The following RREB1 variants were observed in gnomAD, a reference collection of about 807,000 sequenced individuals.
The protein encoded by RREB1 is ras responsive element binding protein 1.
Under a neutral mutation model 117.8 loss-of-function variants are expected in RREB1, and 27 were observed. That is an observed-to-expected ratio of 0.23 (90% confidence interval 0.17 to 0.32). The LOEUF is 0.32. Ranked by LOEUF, RREB1 falls within the 10% of genes least tolerant of loss-of-function variation. The pLI is 1.00. For missense variants in RREB1, 2,577 were observed against 2,378.2 expected (o/e 1.08, Z -1.74); for synonymous variants, 1,298 against 1,026.7 (o/e 1.26, Z -5.05).
At chr6:7,139,933 G>A (rs1006496146) in intron 1 of RREB1, among the ~76,000 whole-genome samples, 3 of 152,082 alleles carry the variant, frequency 2.0e-5, no homozygotes, top group Non-Finnish European at 2.9e-5. Context: ...TTCCTATCAG[G>A]TTTAGTACAG....
At chr6:7,167,999 G>A (rs948184685) in intron 1 of RREB1, among the ~76,000 whole-genome samples, 2 of 152,008 alleles carry the variant, frequency 1.3e-5, no homozygotes, top group African/African-American at 4.8e-5. Context: ...GGTGGTTCAC[G>A]CCTGTAATCC....
intron 11 of RREB1, 135 bp downstream of exon 11, chr6:7,240,737 G>A: frequency 2.8e-6 from 2 of 719,918 alleles, no homozygotes; most frequent in South Asian, 2.5e-5. Flanking sequence ...CCCACAGCCT[G>A]TTAATAGAAA....
At chr6:7,191,136 G>A (rs954174149) in intron 6 of RREB1, among the ~76,000 whole-genome samples, 1 of 152,094 alleles carries the variant, frequency 6.6e-6, no homozygotes, top group Admixed American at 6.5e-5. Flanking sequence ...GTGGCAGTGT[G>A]TTTTTACAAA....
At chr6:7,121,229 G>A (rs532149274) in intron 1 of RREB1, among the ~76,000 whole-genome samples, 1 of 152,216 alleles carries the variant, frequency 6.6e-6, no homozygotes. Context: ...CAAAATGCTG[G>A]GATTACAGGT....
chr6:7,160,215 A>G (rs1192300894), intron 1 of RREB1, among the ~76,000 whole-genome samples: 1 of 152,054 alleles, frequency 6.6e-6, no homozygotes, highest in African/African-American at 2.4e-5. Context: ...AGCCCAGCAA[A>G]TTAAAAAAAA....
At chr6:7,170,928 G>A (rs1764174423) in intron 1 of RREB1, among the ~76,000 whole-genome samples, 2 of 152,186 alleles carry the variant, frequency 1.3e-5, no homozygotes, top group South Asian at 2.1e-4. Flanking sequence ...TCACACTGCT[G>A]TGCCAGCCCC....
intron 1 of RREB1, chr6:7,139,398 G>T (rs956521970): frequency 2.0e-5 from 3 of 152,142 alleles, no homozygotes; most frequent in African/African-American, 7.2e-5. Flanking sequence ...ATATCAGTAG[G>T]TTCTGATGTT....
At chr6:7,233,356 GAACAGTCTCAGTA>G (rs1768117342) in intron 10 of RREB1, among the ~76,000 whole-genome samples, 1 of 152,142 alleles carries the variant, frequency 6.6e-6, no homozygotes, top group Non-Finnish European at 1.5e-5. Flanking sequence ...TTTTCTCAGT[GAACAGTCTCAGTA>G]TTCAGTGATT....
At chr6:7,224,359 C>T (rs906507168) in intron 8 of RREB1, among the ~76,000 whole-genome samples, 7 of 152,152 alleles carry the variant, frequency 4.6e-5, no homozygotes, top group African/African-American at 1.4e-4. Context: ...AATTCAGTCA[C>T]TTGTGAATAT....
Position 7,248,733 on chromosome 6 carries a change from A to G in RREB1, c.4994A>G (p.Asn1665Ser), listed in dbSNP as rs1295061749. 5.0e-6 allele frequency: 8 copies of G among 1,614,060 alleles called. 1 individual carries two copies. In the South Asian group the frequency reaches 6.6e-5, roughly 13 times the overall value. Residue 1665 changes from asparagine (N) to serine (S), a missense_variant, in exon 13 of 13, where the codon AAC becomes AGC. Physicochemically the swap from Asn to Ser is conservative, Grantham distance 46. Transcript: ENST00000379938. ...GCTGAGCTGGCTCCCAATGCCAGCA[A>G]CCACATGGCTGTCACCCGGAGCCGG... Reference protein sequence around the residue: ...NEAELAPNASNHMAVTRSRKE... With the variant: ...NEAELAPNASSHMAVTRSRKE...
At chr6:7,146,708 G>A (rs1762878972) in intron 1 of RREB1, among the ~76,000 whole-genome samples, 1 of 151,844 alleles carries the variant, frequency 6.6e-6, no homozygotes, top group Admixed American at 6.6e-5. Context: ...CACATCCTTT[G>A]GCTGTTAGAA....
At chr6:7,242,839 A>C (rs1581593771) in intron 11 of RREB1, among the ~76,000 whole-genome samples, 1 of 152,138 alleles carries the variant, frequency 6.6e-6, no homozygotes, top group Non-Finnish European at 1.5e-5. Context: ...AAGTCCCCCA[A>C]AAGAATGCTA....
chr6:7,158,435 TCTCCCAC>T (rs1449470504), intron 1 of RREB1, among the ~76,000 whole-genome samples: 1 of 151,840 alleles, frequency 6.6e-6, no homozygotes, highest in Non-Finnish European at 1.5e-5. Context: ...CAACCCCAAC[TCTCCCAC>T]CTCCTGTAAT....
intron 1 of RREB1, among the ~76,000 whole-genome samples, chr6:7,170,943 GGGTTTCTGACTC>G (rs769380752): frequency 1.3e-4 from 20 of 152,194 alleles, no homozygotes; most frequent in Non-Finnish European, 2.9e-4. Flanking sequence ...AGCCCCCAGA[GGGTTTCTGACTC>G]GGTAGGTCTG....
At chr6:7,141,833 C>T (rs945346614) in intron 1 of RREB1, among the ~76,000 whole-genome samples, 3 of 152,230 alleles carry the variant, frequency 2.0e-5, no homozygotes, top group Admixed American at 6.5e-5. Flanking sequence ...GCCGGGTGGC[C>T]GGGCCAGGAA....
intron 8 of RREB1, chr6:7,212,967 C>T (rs17762454): frequency 0.26 from 38,954 of 151,956 alleles, 5,735 homozygotes; most frequent in South Asian, 0.55. Context: ...AATGTCTTTA[C>T]GGAACTCCCC....
chr6:7,229,776 C>T lies in RREB1; in HGVS notation c.1677C>T (p.Asn559=), dbSNP rs755108672. 2.7e-5 allele frequency: 43 copies of T among 1,606,682 alleles called. No individual in the cohort carries two copies. Among genetic ancestry groups the T allele is most frequent in the South Asian group, 4.4e-5 (4 of 90,720 alleles). Residue 559 remains asparagine, a synonymous_variant, in exon 10 of 13, where the codon AAC becomes AAT. Coordinates refer to ENST00000379938, the MANE Select transcript of RREB1 (RefSeq NM_001003699.4). This position sits in a 1 kb window ranked among gnomAD's most constrained non-coding sequence, Gnocchi z 4.5. ...AAGGCTCAGTGGAGGCGGCCTCCAA[C>T]GCCCACCTGCTGCAGTCCAAGTCCG... ...LLKGSVEAAS[N]AHLLQSKSGT...
intron 10 of RREB1, among the ~76,000 whole-genome samples, chr6:7,232,334 T>C (rs2714331): frequency 1.2e-3 from 185 of 152,340 alleles, no homozygotes; most frequent in African/African-American, 4.1e-3. Context: ...TCCATTCCAG[T>C]GTCCTCAATG....
intron 2 of RREB1, among the ~76,000 whole-genome samples, chr6:7,177,091 T>G (rs1764534379): frequency 6.6e-6 from 1 of 151,788 alleles, no homozygotes; most frequent in African/African-American, 2.4e-5. Context: ...TGGTGGTGCG[T>G]GCCTGTAATC....
Sources: gnomAD v4.1 joint callset for allele counts (sites outside exome capture counted in the v4.1 genomes callset) on GRCh38, gnomAD v4.1.1 for gene constraint, Gnocchi (gnomAD v3.1) non-coding constraint, MANE v1.5 for transcripts, NCBI Gene and HGNC (gene_info 2026-07-23, HGNC 2026-07-21) for gene names.